The following NIN variants were observed in gnomAD, a reference collection of about 807,000 sequenced individuals.
NIN encodes the protein ninein.
A neutral mutation model predicts 257.6 loss-of-function variants in NIN; 137 were observed. The observed-to-expected ratio is 0.53, with a 90% CI of 0.46 to 0.61. NIN has a LOEUF of 0.61. NIN is among the 20% of genes least tolerant of loss of function. The pLI, the probability that NIN is intolerant of heterozygous loss-of-function variation, is 0.00. For synonymous variants in NIN, 918 were observed against 919.8 expected, an observed-to-expected ratio of 1.00 and a Z score of 0.04; for missense variants, 2,439 against 2,501.2, an observed-to-expected ratio of 0.98 and a Z score of 0.53.
intron 4 of NIN, among the ~76,000 whole-genome samples, chr14:50,796,465 G>A (rs1158848210): frequency 1.3e-5 from 2 of 152,152 alleles, no homozygotes; most frequent in Non-Finnish European, 2.9e-5. Flanking sequence ...AAAAGATGAA[G>A]AAAATACTAT....
At position 50,760,011 on chromosome 14, in the gene NIN, C is replaced by T. The variant is rs770881613; in HGVS notation, c.2245G>A (p.Ala749Thr). 4 of 1,614,218 alleles carry T rather than the reference C, an allele frequency of 2.5e-6. No individual in the cohort carries two copies. Among genetic ancestry groups the T allele is most frequent in the Non-Finnish European group, 3.4e-6 (4 of 1,180,048 alleles). ...EREREGLQSSAWTEEKVRGLT... is the reference protein window; with the variant it reads ...EREREGLQSSTWTEEKVRGLT... ...CCTCTCACCTTCTCTTCTGTCCAGG[C>T]GCTACTCTGAAGGCCTTCCCTCTCC... Residue 749 changes from alanine (A) to threonine (T), a missense_variant, in exon 17 of 31, where the codon GCC (alanine) becomes ACC (threonine). Around this residue, in one of 3 missense-constraint regions of NIN, gnomAD observed 2,043 missense variants for 2,050.2 expected, o/e 1.00. Transcript: ENST00000530997.
Position 50,763,964 on chromosome 14 carries a change from C to T in NIN, c.1636G>A (p.Val546Ile). 1 of 1,612,638 alleles carries T rather than the reference C, an allele frequency of 6.2e-7. No individual in the cohort carries two copies. Among genetic ancestry groups the T allele is most frequent in the Non-Finnish European group, 8.5e-7 (1 of 1,178,836 alleles). Residue 546 changes from valine to isoleucine, a missense_variant and splice_region_variant, in exon 15 of 31, where the codon GTA (valine) becomes ATA (isoleucine). By Grantham distance (29) the Val-to-Ile change is conservative. This residue lies in a region of NIN where 2,043 missense variants were observed against 2,050.2 expected (regional missense o/e 1.00). Transcript: ENST00000530997. ...AGTTCATCTACTTGGTCTTGTAGTA[C>T]CTGGGATTTAAAAACCAACACTGGT... ...MRNEYERQCRVLQDQVDELQS... is the reference protein window; with the variant it reads ...MRNEYERQCRILQDQVDELQS...
intron 2 of NIN, 65 bp downstream of exon 2, chr14:50,830,399 A>C (rs2045649968): frequency 6.0e-6 from 1 of 166,700 alleles, no homozygotes; most frequent in South Asian, 2.1e-4. Context: ...CCACTACCAG[A>C]AACCTCAGAC....
At position 50,760,962 on chromosome 14, in the gene NIN, C is replaced by T. The variant is rs76049610; in HGVS notation, c.1897-603G>A. Among the ~76,000 whole-genome samples, 150 of 152,224 alleles carry T rather than the reference C, an allele frequency of 9.9e-4. 4 individuals carry two copies. In the East Asian group the frequency reaches 0.026, roughly 26 times the overall value. On this transcript the variant is annotated intron_variant, in intron 16 of 30. Transcript: ENST00000530997. ...GAGATTACAGGCATGAGCCACTGTA[C>T]CCTGCTGGGTCTTAAAATACTTAAT...
At chr14:50,785,845 T>C (rs2043323393) in intron 5 of NIN, among the ~76,000 whole-genome samples, 1 of 152,342 alleles carries the variant, frequency 6.6e-6, no homozygotes, top group South Asian at 2.1e-4. Context: ...TTTTCCACTA[T>C]GCCACCTTTG....
intron 3 of NIN, among the ~76,000 whole-genome samples, chr14:50,820,204 G>T (rs953075701): frequency 1.9e-4 from 29 of 152,236 alleles, no homozygotes; most frequent in African/African-American, 6.5e-4. Context: ...GACCACTTAA[G>T]TATTCATTAT....
In NIN at chr14:50,778,713, G is replaced by A. The variant is rs2141884229; in HGVS notation, c.475+52C>T. On this transcript the variant is annotated intron_variant, in intron 6 of 30. Transcript: ENST00000530997. Reference sequence around the variant, plus strand: ...AGATCAGAAAGACCGGGTGTGGAGAGCACCCGGCGGCCCTTCCCTTCCAGG... The same window carrying A: ...AGATCAGAAAGACCGGGTGTGGAGAACACCCGGCGGCCCTTCCCTTCCAGG... The A allele has an allele frequency of 2.0e-6, 3 of 1,518,826 alleles. No homozygotes were observed. In the South Asian group the frequency reaches 3.4e-5, roughly 17 times the overall value. 94.1% of individuals were successfully genotyped at this position (1,518,826 alleles called of 1,614,324 possible).
Position 50,752,564 on chromosome 14 carries a change from T to C in NIN, c.4904A>G (p.Gln1635Arg), listed in dbSNP as rs754822560. The C allele has an allele frequency of 6.8e-6, 11 of 1,614,022 alleles. No homozygotes were observed. The highest frequency in any genetic ancestry group is 9.3e-6 in the Non-Finnish European group (11 of 1,180,006). The change falls in exon 21 of 31, where the codon CAA becomes CGA. Residue 1635 changes from glutamine to arginine, a missense_variant. This residue lies in a region of NIN where 2,043 missense variants were observed against 2,050.2 expected (regional missense o/e 1.00). Transcript: ENST00000530997. ...PGNSALEEREQEKFNLKEELE... is the reference protein window; with the variant it reads ...PGNSALEEREREKFNLKEELE... ...TTCTTCTTTCAGATTAAACTTCTCT[T>C]GTTCCCGTTCCTCCAATGCACTGTT...
At chr14:50,827,756 CAAAAAAA>C (rs370926505) in intron 2 of NIN, among the ~76,000 whole-genome samples, 1 of 107,144 alleles carries the variant, frequency 9.3e-6, no homozygotes, top group African/African-American at 3.9e-5. Flanking sequence ...GACTCCGTAT[CAAAAAAA>C]AAAAAAAAAA....
chr14:50,743,394 G>A (rs755622429), intron 24 of NIN, 22 bp downstream of exon 24: 7 of 1,432,214 alleles, frequency 4.9e-6, no homozygotes, highest in Non-Finnish European at 5.9e-6. Context: ...CCGTGAAGAT[G>A]AAACAAGAAT....
intron 4 of NIN, among the ~76,000 whole-genome samples, chr14:50,798,418 C>T (rs1487659105): frequency 6.6e-6 from 1 of 152,170 alleles, no homozygotes; most frequent in African/African-American, 2.4e-5. Flanking sequence ...AGTTACCACC[C>T]CCCGAAGGTG....
At position 50,763,767 on chromosome 14, in the gene NIN, A is replaced by G. The variant is rs996759426; in HGVS notation, c.1774+59T>C. 45 of 1,492,604 alleles carry G rather than the reference A, an allele frequency of 3.0e-5. No homozygotes were observed. In the Middle Eastern group the frequency reaches 7.1e-4, roughly 24 times the overall value. The allele number at this position is 1,492,604 out of a possible 1,614,324, so 92.5% of individuals were successfully genotyped here. A position where few individuals can be genotyped will look rare whatever the true frequency, so the allele number is the denominator to read the frequency against. ...CCAAAGCTTTGCAATTTTATATTGAACCACGTTTCTAAAAACAAGAGTAAA... is the reference window on the plus strand; with the variant it reads ...CCAAAGCTTTGCAATTTTATATTGAGCCACGTTTCTAAAAACAAGAGTAAA... On this transcript the variant is annotated intron_variant, in intron 15 of 30. Coordinates refer to ENST00000530997, the MANE Select transcript of NIN (RefSeq NM_020921.4).
At chr14:50,781,736 A>C (rs1396932290) in intron 5 of NIN, among the ~76,000 whole-genome samples, 3 of 152,252 alleles carry the variant, frequency 2.0e-5, no homozygotes, top group African/African-American at 7.2e-5. Flanking sequence ...AATGGGAACA[A>C]GGTAGTGCAT....
At chr14:50,812,508 A>C (rs1352864826) in intron 3 of NIN, among the ~76,000 whole-genome samples, 2 of 152,092 alleles carry the variant, frequency 1.3e-5, no homozygotes, top group Non-Finnish European at 2.9e-5. Flanking sequence ...CTCTGCCCTC[A>C]AGGAGTTTAT....
intron 24 of NIN, among the ~76,000 whole-genome samples, chr14:50,742,870 C>G (rs2041355908): frequency 6.6e-6 from 1 of 152,166 alleles, no homozygotes; most frequent in South Asian, 2.1e-4. Context: ...ATGCACTATT[C>G]TCAAGCCTTC....
In NIN at chr14:50,764,707, C is replaced by T. The variant is rs565621282; in HGVS notation, c.1636-743G>A. 1.5e-4 allele frequency among the ~76,000 whole-genome samples: 23 copies of T among 151,968 alleles called. No individual in the cohort carries two copies. In the South Asian group the frequency reaches 4.2e-3, roughly 27 times the overall value. ...AAACATTATGTTAAATGAAGGAAGC[C>T]GGTCTCAAGGGCTAATATTGTAAGA... is the stretch of plus-strand genomic sequence containing the variant. On this transcript the variant is annotated intron_variant, in intron 14 of 30. Transcript: ENST00000530997.
intron 28 of NIN, among the ~76,000 whole-genome samples, chr14:50,731,502 G>A (rs938339243): frequency 8.0e-5 from 11 of 136,974 alleles, no homozygotes; most frequent in Admixed American, 7.1e-4. Context: ...ATGCACTCCA[G>A]CCTGGGTGAC....
At chr14:50,758,656 A>G in intron 17 of NIN, 26 bp from the exon 18 acceptor site, 1 of 1,522,020 alleles carries the variant, frequency 6.6e-7, no homozygotes. Context: ...ATACAGCATT[A>G]TTGAAACTGC....
chr14:50,795,318 T>A (rs2043789669), intron 4 of NIN, among the ~76,000 whole-genome samples: 1 of 152,338 alleles, frequency 6.6e-6, no homozygotes, highest in Non-Finnish European at 1.5e-5. Flanking sequence ...ATTTAGAGCA[T>A]CCGCCTCATT....
Sources: gnomAD v4.1 joint callset for allele counts (sites outside exome capture counted in the v4.1 genomes callset) on GRCh38, gnomAD v4.1.1 for gene constraint, gnomAD v4.1.1 regional missense constraint, MANE v1.5 for transcripts, NCBI Gene and HGNC (gene_info 2026-07-23, HGNC 2026-07-21) for gene names.